The following DOCK9 variants were observed in gnomAD, a reference collection of about 807,000 sequenced individuals.
DOCK9 encodes dedicator of cytokinesis 9, also known as dedicator of cytokinesis protein 9.
A neutral mutation model predicts 263.3 loss-of-function variants in DOCK9; 89 were observed. The observed-to-expected ratio is 0.34, with a 90% CI of 0.28 to 0.40. The LOEUF (loss-of-function observed/expected upper bound fraction) is 0.40. DOCK9 is among the 10% of genes least tolerant of loss of function. DOCK9 has a pLI of 1.00. For missense variants in DOCK9, 2,140 were observed against 2,603.4 expected (o/e 0.82, Z 3.87); for synonymous variants, 976 against 973.1 (o/e 1.00, Z -0.06).
intron 37 of DOCK9, chr13:98,847,228 G>A (rs1197452508): frequency 3.2e-5 from 5 of 154,032 alleles, no homozygotes; most frequent in Non-Finnish European, 7.2e-5. Context: ...TTGTGACGTA[G>A]GTGTCACTGC....
At chr13:98,856,249 C>G (rs2093703867) in intron 33 of DOCK9, 3 of 441,744 alleles carry the variant, frequency 6.8e-6, no homozygotes, top group Non-Finnish European at 1.2e-5. Context: ...AACATCAATT[C>G]ACTTGTTAGA....
intron 1 of DOCK9, among the ~76,000 whole-genome samples, chr13:99,078,315 G>A (rs1405161605): frequency 6.6e-6 from 1 of 152,118 alleles, no homozygotes; most frequent in African/African-American, 2.4e-5. Flanking sequence ...AACCAGTGGT[G>A]GAGAAGAGAC....
intron 4 of DOCK9, among the ~76,000 whole-genome samples, chr13:98,924,782 T>G (rs1439249313): frequency 1.3e-5 from 2 of 152,234 alleles, no homozygotes; most frequent in African/African-American, 2.4e-5. Context: ...TCCATCATGT[T>G]TTGAAGCAGC....
At chr13:98,889,208 T>C (rs2046255907) in intron 15 of DOCK9, among the ~76,000 whole-genome samples, 1 of 152,052 alleles carries the variant, frequency 6.6e-6, no homozygotes, top group African/African-American at 2.4e-5. Flanking sequence ...GCAAAGGCAG[T>C]AGAATGATAC....
intron 38 of DOCK9, among the ~76,000 whole-genome samples, chr13:98,840,646 T>C (rs2093177360): frequency 6.6e-6 from 1 of 152,128 alleles, no homozygotes; most frequent in African/African-American, 2.4e-5. Context: ...CCCACCACCA[T>C]GACATCAGAG....
intron 1 of DOCK9, among the ~76,000 whole-genome samples, chr13:99,002,917 C>G (rs1882648145): frequency 6.6e-6 from 1 of 151,702 alleles, no homozygotes; most frequent in Non-Finnish European, 1.5e-5. Flanking sequence ...AAGGTAACCA[C>G]AGTTTCTACA....
intron 2 of DOCK9, among the ~76,000 whole-genome samples, chr13:98,934,565 T>C (rs570698050): frequency 6.6e-6 from 1 of 152,170 alleles, no homozygotes; most frequent in Non-Finnish European, 1.5e-5. Context: ...CAAAACAAGA[T>C]TGTAAGACAC....
chr13:98,837,133 AT>A (rs1409889441), intron 39 of DOCK9, among the ~76,000 whole-genome samples: 1 of 152,228 alleles, frequency 6.6e-6, no homozygotes, highest in Non-Finnish European at 1.5e-5. Flanking sequence ...TAAAAATCTA[AT>A]TAAACGCTAT....
chr13:98,845,919 C>T lies in DOCK9; in HGVS notation c.4198+5G>A. ...GCTGTTACGATGGCATGTCATGGGACTTACTGTGGTTAAAAGTGAGAGAGT... is the reference window on the plus strand; with the variant it reads ...GCTGTTACGATGGCATGTCATGGGATTTACTGTGGTTAAAAGTGAGAGAGT... On this transcript the variant is annotated splice_donor_5th_base_variant and intron_variant, in intron 38 of 52. Transcript: ENST00000682017. 1 of 1,613,202 alleles carries T rather than the reference C, an allele frequency of 6.2e-7. No individual in the cohort carries two copies. Among genetic ancestry groups the T allele is most frequent in the South Asian group, 1.1e-5 (1 of 90,734 alleles).
chr13:99,018,344 T>C (rs1230502327), intron 1 of DOCK9, among the ~76,000 whole-genome samples: 3 of 152,218 alleles, frequency 2.0e-5, no homozygotes, highest in African/African-American at 7.2e-5. Context: ...CCTTCCACCT[T>C]TCACCTTCCA....
At chr13:98,979,277 C>T (rs774304957), upstream of DOCK9, among the ~76,000 whole-genome samples, 13 of 151,636 alleles carry the variant, frequency 8.6e-5, no homozygotes, top group Non-Finnish European at 1.6e-4. Flanking sequence ...CAGTCAACAA[C>T]GAGAGTAGTT....
intron 2 of DOCK9, among the ~76,000 whole-genome samples, chr13:98,931,482 T>C (rs7399679): frequency 0.64 from 96,315 of 151,494 alleles, 31,254 homozygotes; most frequent in Middle Eastern, 0.77. Flanking sequence ...GTATTTTTAG[T>C]AGAGACGGGG....
chr13:98,898,458 T>C (rs747964532), intron 13 of DOCK9, among the ~76,000 whole-genome samples, 197 bp from the exon 14 acceptor site: 5 of 152,220 alleles, frequency 3.3e-5, no homozygotes, highest in Non-Finnish European at 5.9e-5. Flanking sequence ...TCTCTAGCAG[T>C]GATTCTCAAA....
At chr13:98,892,415 G>A (rs2046763005) in intron 15 of DOCK9, among the ~76,000 whole-genome samples, 1 of 152,020 alleles carries the variant, frequency 6.6e-6, no homozygotes, top group Admixed American at 6.6e-5. Context: ...ATACAGGTAT[G>A]TTTGGACTGC....
intron 3 of DOCK9, among the ~76,000 whole-genome samples, chr13:98,927,254 T>C (rs1253327899): frequency 6.6e-6 from 1 of 152,250 alleles, no homozygotes; most frequent in African/African-American, 2.4e-5. Context: ...TTTTTAGATT[T>C]CTCAAAGCAT....
intron 1 of DOCK9, among the ~76,000 whole-genome samples, chr13:98,964,122 G>A (rs2058960867): frequency 6.6e-6 from 1 of 152,208 alleles, no homozygotes; most frequent in Non-Finnish European, 1.5e-5. Context: ...ACACGGCCCT[G>A]CCCCAGGGAG....
At chr13:99,065,864 G>A (rs943284859) in intron 1 of DOCK9, among the ~76,000 whole-genome samples, 17 of 152,170 alleles carry the variant, frequency 1.1e-4, no homozygotes, top group African/African-American at 3.9e-4. Context: ...CTAGCACAGT[G>A]CTTGGCACTC....
intron 1 of DOCK9, among the ~76,000 whole-genome samples, chr13:98,993,715 T>C (rs975759518): frequency 2.0e-5 from 3 of 152,238 alleles, no homozygotes; most frequent in Non-Finnish European, 2.9e-5. Context: ...CACTCCAGCA[T>C]GGGTGACAGA....
chr13:99,031,354 A>G (rs545681747), intron 1 of DOCK9, among the ~76,000 whole-genome samples: 1 of 152,224 alleles, frequency 6.6e-6, no homozygotes, highest in African/African-American at 2.4e-5. Flanking sequence ...TAACTTGACC[A>G]AAGTCACCCA....
Sources: gnomAD v4.1 joint callset for allele counts (sites outside exome capture counted in the v4.1 genomes callset) on GRCh38, gnomAD v4.1.1 for gene constraint, MANE v1.5 for transcripts, NCBI Gene and HGNC (gene_info 2026-07-23, HGNC 2026-07-21) for gene names.